The following GLMN variants were observed in gnomAD, a reference collection of about 807,000 sequenced individuals.
GLMN encodes the protein glomulin.
In GLMN, 75 loss-of-function variants were observed where a neutral mutation model predicts 87.8. The observed-to-expected ratio is 0.85, with a 90% CI of 0.71 to 1.04. GLMN has a LOEUF of 1.04. GLMN is among the 50% of genes least tolerant of loss of function. GLMN has a pLI of 0.00. For missense variants in GLMN, 588 were observed against 658.8 expected, an observed-to-expected ratio of 0.89 and a Z score of 1.18; for synonymous variants, 206 against 221.6, an observed-to-expected ratio of 0.93 and a Z score of 0.63.
At chr1:92,247,191 A>G (rs1652802655) in intron 17 of GLMN, 47 bp from the exon 18 acceptor site, 1 of 896,002 alleles carries the variant, frequency 1.1e-6, no homozygotes, top group South Asian at 1.3e-5. Flanking sequence ...CTCAGATTTC[A>G]ATAACAAAGG....
the GLMN span, among the ~76,000 whole-genome samples, chr1:92,341,163 C>T: frequency 3.9e-5 from 6 of 152,034 alleles, no homozygotes; most frequent in African/African-American, 1.4e-4. Context: ...CACACACCAG[C>T]ATGCCCCGCC....
the GLMN span, among the ~76,000 whole-genome samples, chr1:92,353,331 A>T: frequency 1.3e-5 from 2 of 152,180 alleles, no homozygotes; most frequent in Non-Finnish European, 2.9e-5. Flanking sequence ...GGCTCCAAAG[A>T]TTGAACTTTA....
At chr1:92,330,974 C>G in the GLMN span, among the ~76,000 whole-genome samples, 18 of 152,230 alleles carry the variant, frequency 1.2e-4, no homozygotes, top group African/African-American at 4.1e-4. Flanking sequence ...TGCACATTAA[C>G]ATTTGAGAAG....
At chr1:92,323,169 G>A in the GLMN span, among the ~76,000 whole-genome samples, 1 of 149,850 alleles carries the variant, frequency 6.7e-6, no homozygotes, top group Non-Finnish European at 1.5e-5. Flanking sequence ...CTGTACTCCT[G>A]TAACAATTTT....
At chr1:92,253,974 C>G (rs1653884673) in intron 16 of GLMN, among the ~76,000 whole-genome samples, 1 of 152,118 alleles carries the variant, frequency 6.6e-6, no homozygotes, top group South Asian at 2.1e-4. Context: ...CTCCTCCAAG[C>G]TAAAGGAGCA....
the GLMN span, among the ~76,000 whole-genome samples, chr1:92,343,402 A>G: frequency 2.6e-5 from 4 of 152,174 alleles, no homozygotes; most frequent in East Asian, 7.7e-4. Flanking sequence ...CCAAAATAAA[A>G]CACTACTGAG....
At chr1:92,322,201 C>T in the GLMN span, among the ~76,000 whole-genome samples, 1 of 151,652 alleles carries the variant, frequency 6.6e-6, no homozygotes, top group African/African-American at 2.4e-5. Flanking sequence ...CTGCCTTGGC[C>T]TCCCAAGGTG....
intron 16 of GLMN, among the ~76,000 whole-genome samples, chr1:92,249,236 T>C (rs1404642495): frequency 6.6e-6 from 1 of 151,446 alleles, no homozygotes; most frequent in African/African-American, 2.4e-5. Flanking sequence ...GAATACAGTA[T>C]ATCAACAACG....
chr1:92,332,913 A>G, the GLMN span, among the ~76,000 whole-genome samples: 1 of 152,116 alleles, frequency 6.6e-6, no homozygotes, highest in Non-Finnish European at 1.5e-5. Context: ...ATGTGTTTCA[A>G]ACAAATGTGG....
intron 8 of GLMN, 99 bp downstream of exon 8, chr1:92,271,366 G>A: frequency 3.5e-6 from 3 of 858,116 alleles, no homozygotes; most frequent in East Asian, 4.9e-5. Flanking sequence ...TATTTAAAAT[G>A]TATTAGTGTG....
At chr1:92,279,456 CAAAAA>C (rs35221344) in intron 7 of GLMN, among the ~76,000 whole-genome samples, 1 of 70,872 alleles carries the variant, frequency 1.4e-5, no homozygotes, top group African/African-American at 5.5e-5. Context: ...GACTCTGTCA[CAAAAA>C]AAAAAAAAAA....
At chr1:92,307,371 T>C in the GLMN span, 10 of 782,616 alleles carry the variant, frequency 1.3e-5, no homozygotes, top group Admixed American at 2.2e-4. Flanking sequence ...TAGTTTTCTG[T>C]AAAAAGTTAC....
At chr1:92,297,132 T>TC (rs1253327481) in intron 3 of GLMN, among the ~76,000 whole-genome samples, 1 of 151,094 alleles carries the variant, frequency 6.6e-6, no homozygotes, top group Non-Finnish European at 1.5e-5. Flanking sequence ...TTTTTTTTTT[T>TC]TCTGAGACAG....
At chr1:92,259,602 T>C (rs1165316511) in intron 16 of GLMN, among the ~76,000 whole-genome samples, 1 of 152,194 alleles carries the variant, frequency 6.6e-6, no homozygotes, top group African/African-American at 2.4e-5. Context: ...TGTCTGCTTT[T>C]CATCTGACTA....
the GLMN span, among the ~76,000 whole-genome samples, chr1:92,368,435 A>G: frequency 6.6e-6 from 1 of 152,198 alleles, no homozygotes; most frequent in Non-Finnish European, 1.5e-5. Context: ...CACGAGATAA[A>G]AAACATAGAG....
chr1:92,314,702 C>G, the GLMN span, among the ~76,000 whole-genome samples: 1 of 150,984 alleles, frequency 6.6e-6, no homozygotes, highest in South Asian at 2.1e-4. Context: ...GAGATGGTGC[C>G]ACTGCACTAC....
chr1:92,361,092 AATAT>A, the GLMN span, among the ~76,000 whole-genome samples: 1 of 120,088 alleles, frequency 8.3e-6, no homozygotes, highest in Non-Finnish European at 1.7e-5. Context: ...ATATATATAT[AATAT>A]ATATATACAC....
At chr1:92,337,320 A>C in the GLMN span, among the ~76,000 whole-genome samples, 1 of 152,170 alleles carries the variant, frequency 6.6e-6, no homozygotes, top group Non-Finnish European at 1.5e-5. Context: ...TTGCAGTCAC[A>C]TACTGTACAT....
chr1:92,249,267 C>CTT (rs59926635), intron 16 of GLMN, among the ~76,000 whole-genome samples: 46 of 108,380 alleles, frequency 4.2e-4, no homozygotes, highest in African/African-American at 1.3e-3. Context: ...GATTACTATT[C>CTT]TTTTTTTTTT....
Sources: allele counts gnomAD v4.1 joint callset (sites outside exome capture counted in the v4.1 genomes callset), GRCh38; gene constraint gnomAD v4.1.1; transcripts MANE v1.5; gene names NCBI Gene and HGNC (gene_info 2026-07-23, HGNC 2026-07-21).